SEMA5A: variants seen among roughly 807,000 people sequenced by gnomAD.
SEMA5A encodes semaphorin-5A.
In SEMA5A, 55 loss-of-function variants were observed where a neutral mutation model predicts 135.5. That is an observed-to-expected ratio of 0.41 (90% CI 0.33 to 0.51). The LOEUF (loss-of-function observed/expected upper bound fraction) is 0.51, where lower values mean the gene tolerates loss of function less well. SEMA5A is among the 20% of genes least tolerant of loss of function. The probability of loss-of-function intolerance (pLI) is 0.37; values close to 1 mark genes in which losing one functional copy is unlikely to be tolerated. For synonymous variants in SEMA5A, 580 were observed against 546.5 expected (o/e 1.06, Z -0.85); for missense variants, 1,290 against 1,419.9 (o/e 0.91, Z 1.47).
rs75493873 is a variant in SEMA5A at position 9,257,753 on chromosome 5, G to C, written c.271-19863C>G. ...TTACAACCACCATTACATGCATCAAGGTGGTGGTCAGGGCTTGCAGATGTT... is the reference window on the plus strand; with the variant it reads ...TTACAACCACCATTACATGCATCAACGTGGTGGTCAGGGCTTGCAGATGTT... On this transcript the variant is annotated intron_variant, in intron 5 of 22. Coordinates refer to ENST00000382496, the MANE Select transcript of SEMA5A (RefSeq NM_003966.3). Among the ~76,000 whole-genome samples, 1,262 of 152,216 alleles carry C rather than the reference G, an allele frequency of 8.3e-3. 14 individuals are homozygous for C. The highest frequency in any genetic ancestry group is 0.029 in the African/African-American group (1,214 of 41,518).
intron 2 of SEMA5A, among the ~76,000 whole-genome samples, chr5:9,404,830 T>C (rs1417649465): frequency 6.6e-6 from 1 of 152,194 alleles, no homozygotes; most frequent in African/African-American, 2.4e-5. Context: ...TCAGGTGACC[T>C]CCAAAGGTTA....
In SEMA5A at chr5:9,224,697, T is replaced by C; in HGVS notation, c.623A>G (p.Gln208Arg). 6.2e-7 allele frequency: 1 copy of C among 1,614,178 alleles called. No individual in the cohort carries two copies. The highest frequency in any genetic ancestry group is 8.5e-7 in the Non-Finnish European group (1 of 1,180,026). Residue 208 changes from glutamine to arginine, a missense_variant, in exon 8 of 23, where the codon CAG becomes CGG. Transcript: ENST00000382496. ...LGILPPLRTA[Q>R]YNSKWLNEPN... is the part of the protein sequence containing the mutation. ...ACCATTGAGCCATTTGGAGTTGTAC[T>C]GCGCCGTGCGGAGAGGAGGTAAAAT...
chr5:9,098,127 C>T (rs997252062), intron 16 of SEMA5A, among the ~76,000 whole-genome samples: 3 of 151,924 alleles, frequency 2.0e-5, no homozygotes, highest in African/African-American at 7.3e-5. Context: ...GCCTGTAATC[C>T]AGTTACTCGG....
chr5:9,140,736 A>T (rs983856), intron 12 of SEMA5A, among the ~76,000 whole-genome samples: 1 of 152,162 alleles, frequency 6.6e-6, no homozygotes, highest in African/African-American at 2.4e-5. Flanking sequence ...GATTCTTTAC[A>T]CAGAGCAAAA....
At chr5:9,432,060 T>C (rs191491247) in intron 2 of SEMA5A, among the ~76,000 whole-genome samples, 1 of 152,306 alleles carries the variant, frequency 6.6e-6, no homozygotes, top group Admixed American at 6.5e-5. Flanking sequence ...ATTTCCCAAG[T>C]TCCATAATGG....
At chr5:9,179,154 T>G (rs534851555) in intron 11 of SEMA5A, among the ~76,000 whole-genome samples, 6 of 152,314 alleles carry the variant, frequency 3.9e-5, no homozygotes, top group African/African-American at 1.2e-4. Flanking sequence ...GACAGCAGGT[T>G]TGGGAACAGG....
chr5:9,337,838 A>C lies in SEMA5A; in HGVS notation c.125-26T>G, dbSNP rs562110586. 33 of 1,479,328 alleles carry C rather than the reference A, an allele frequency of 2.2e-5. No individual in the cohort carries two copies. The South Asian group carries it at 3.9e-4, about 17-fold the overall frequency. The allele number at this position is 1,479,328 out of a possible 1,614,324, so 91.6% of individuals were successfully genotyped here. ...CTAAATAGAAAAAATAAATAAATAA[A>C]AAGATAAAAATGAATTATTTTTCCT... On this transcript the variant is annotated intron_variant, in intron 3 of 22. Coordinates refer to ENST00000382496, the MANE Select transcript of SEMA5A (RefSeq NM_003966.3).
intron 17 of SEMA5A, among the ~76,000 whole-genome samples, chr5:9,066,063 C>A (rs573447539): frequency 6.6e-6 from 1 of 152,280 alleles, no homozygotes; most frequent in South Asian, 2.1e-4. Flanking sequence ...TAAAGAAAAA[C>A]CTTTTTTCAG....
At chr5:9,480,365 G>C (rs538333700) in intron 1 of SEMA5A, among the ~76,000 whole-genome samples, 46 of 152,100 alleles carry the variant, frequency 3.0e-4, no homozygotes, top group Non-Finnish European at 5.7e-4. Context: ...CAAGTCCTTA[G>C]AGCAATTTAC....
chr5:9,075,846 C>G (rs567407763), intron 16 of SEMA5A, among the ~76,000 whole-genome samples: 68 of 152,182 alleles, frequency 4.5e-4, no homozygotes, highest in Non-Finnish European at 8.2e-4. Context: ...AATAGAGGTA[C>G]AAAACTGTAT....
At chr5:9,293,828 C>T (rs1004099733) in intron 5 of SEMA5A, among the ~76,000 whole-genome samples, 2 of 152,058 alleles carry the variant, frequency 1.3e-5, no homozygotes, top group Non-Finnish European at 2.9e-5. Context: ...TGGGTAGGTA[C>T]TTTTTGCAAA....
intron 3 of SEMA5A, among the ~76,000 whole-genome samples, chr5:9,370,911 C>T (rs1016948091): frequency 2.0e-5 from 3 of 152,152 alleles, no homozygotes; most frequent in African/African-American, 7.2e-5. Flanking sequence ...TTTTTATCTA[C>T]CTTCAGTATG....
Position 9,185,985 on chromosome 5 carries a change from G to A in SEMA5A, c.1273+4282C>T, listed in dbSNP as rs73044733. Among the ~76,000 whole-genome samples the A allele has an allele frequency of 5.8e-3, 879 of 152,240 alleles. 5 individuals are homozygous for A. The highest frequency in any genetic ancestry group is 0.02 in the African/African-American group (826 of 41,546). On this transcript the variant is annotated intron_variant, in intron 11 of 22. Coordinates refer to ENST00000382496, the MANE Select transcript of SEMA5A (RefSeq NM_003966.3). The stretch of plus-strand genomic sequence containing the variant: ...AGAAGTGTTTCCAAGTCAAGTAAGG[G>A]AGAAACTCCCAGAATACCTGATTGC...
chr5:9,318,762 C>T (rs1418057035), intron 4 of SEMA5A, among the ~76,000 whole-genome samples: 1 of 152,202 alleles, frequency 6.6e-6, no homozygotes, highest in Non-Finnish European at 1.5e-5. Flanking sequence ...AGATGATGTA[C>T]AACTATTCCT....
chr5:9,056,445 G>C (rs1039438423), intron 18 of SEMA5A, among the ~76,000 whole-genome samples: 3 of 152,174 alleles, frequency 2.0e-5, no homozygotes, highest in Non-Finnish European at 4.4e-5. Flanking sequence ...ACAGAGGCCG[G>C]GCATGGTGGC....
At chr5:9,313,397 C>T (rs971707173) in intron 5 of SEMA5A, among the ~76,000 whole-genome samples, 3 of 151,996 alleles carry the variant, frequency 2.0e-5, no homozygotes, top group Admixed American at 6.6e-5. Flanking sequence ...TCTGGGTTAA[C>T]GTTACTTTTC....
chr5:9,487,833 G>A (rs961550257), intron 1 of SEMA5A, among the ~76,000 whole-genome samples: 3 of 152,030 alleles, frequency 2.0e-5, no homozygotes, highest in Non-Finnish European at 4.4e-5. Context: ...TGTTATATAT[G>A]AATGAGCAAT....
chr5:9,047,733 T>G (rs967008384), intron 21 of SEMA5A, among the ~76,000 whole-genome samples: 1 of 152,166 alleles, frequency 6.6e-6, no homozygotes, highest in African/African-American at 2.4e-5. Context: ...TACAATAAGA[T>G]TCATCTAAAC....
chr5:9,161,617 T>C (rs561052283), intron 11 of SEMA5A, among the ~76,000 whole-genome samples: 1 of 152,336 alleles, frequency 6.6e-6, no homozygotes, highest in Admixed American at 6.5e-5. Flanking sequence ...AGAGACACAT[T>C]TCAGCAGGCT....
Sources: gnomAD v4.1 joint callset for allele counts (sites outside exome capture counted in the v4.1 genomes callset) on GRCh38, gnomAD v4.1.1 for gene constraint, MANE v1.5 for transcripts, NCBI Gene and HGNC (gene_info 2026-07-23, HGNC 2026-07-21) for gene names.